DTNB: variants seen among roughly 807,000 people sequenced by gnomAD.
The protein encoded by DTNB is dystrobrevin beta.
A neutral mutation model predicts 90.7 loss-of-function variants in DTNB; 63 were observed. That is an observed-to-expected ratio of 0.69 (90% CI 0.57 to 0.86). The LOEUF is 0.86. Among genes scored for constraint, DTNB ranks in the 40% least tolerant of loss-of-function variants. The probability of loss-of-function intolerance (pLI) is 0.00; values close to 1 mark genes in which losing one functional copy is unlikely to be tolerated. For missense variants in DTNB, 744 were observed against 807.1 expected, an observed-to-expected ratio of 0.92 and a Z score of 0.95; for synonymous variants, 277 against 286.7, an observed-to-expected ratio of 0.97 and a Z score of 0.34.
At chr2:25,466,905 G>A (rs2061886850) in intron 10 of DTNB, among the ~76,000 whole-genome samples, 1 of 152,196 alleles carries the variant, frequency 6.6e-6, no homozygotes. Flanking sequence ...AGACCTTTAA[G>A]GAAGTCATCT....
At chr2:25,595,668 A>AT (rs1043530421) in intron 6 of DTNB, among the ~76,000 whole-genome samples, 1 of 152,044 alleles carries the variant, frequency 6.6e-6, no homozygotes, top group Non-Finnish European at 1.5e-5. Flanking sequence ...CCCTTGAGGG[A>AT]TTTTATGCTG....
chr2:25,669,094 A>AG (rs1485817823), intron 1 of DTNB, among the ~76,000 whole-genome samples: 2 of 152,220 alleles, frequency 1.3e-5, no homozygotes, highest in Admixed American at 1.3e-4. Context: ...GACAGAAAGT[A>AG]GAATGGTGGT....
At chr2:25,611,244 C>CTA (rs1416581320) in intron 4 of DTNB, among the ~76,000 whole-genome samples, 1 of 152,142 alleles carries the variant, frequency 6.6e-6, no homozygotes, top group Admixed American at 6.5e-5. Flanking sequence ...TTTTCAAACT[C>CTA]TATATTTTAA....
chr2:25,481,270 TG>T (rs994486356), intron 10 of DTNB, among the ~76,000 whole-genome samples: 3 of 151,342 alleles, frequency 2.0e-5, no homozygotes, highest in Non-Finnish European at 4.4e-5. Context: ...CTAGGTATGG[TG>T]GCAGGTGCCT....
intron 3 of DTNB, among the ~76,000 whole-genome samples, chr2:25,637,443 T>G (rs1010502596): frequency 3.3e-5 from 5 of 152,090 alleles, no homozygotes; most frequent in African/African-American, 1.2e-4. Context: ...GGGAGAAAAT[T>G]TTTGCCACCT....
chr2:25,409,529 G>A (rs2046089745), intron 16 of DTNB, among the ~76,000 whole-genome samples: 1 of 152,212 alleles, frequency 6.6e-6, no homozygotes, highest in Admixed American at 6.5e-5. Context: ...TTTGTTCAGT[G>A]GAGTGACATT....
chr2:25,413,856 C>T (rs1290579233), intron 16 of DTNB, among the ~76,000 whole-genome samples: 1 of 152,212 alleles, frequency 6.6e-6, no homozygotes, highest in Non-Finnish European at 1.5e-5. Context: ...AATTGCCACA[C>T]CGTCTTCCAC....
chr2:25,495,661 T>C (rs1483447284), intron 9 of DTNB, among the ~76,000 whole-genome samples: 1 of 152,202 alleles, frequency 6.6e-6, no homozygotes, highest in South Asian at 2.1e-4. Flanking sequence ...TCTATCTCTA[T>C]GTAATGGACC....
chr2:25,514,681 C>CTT (rs560287104), intron 9 of DTNB, among the ~76,000 whole-genome samples: 66 of 98,868 alleles, frequency 6.7e-4, no homozygotes, highest in Non-Finnish European at 7.3e-4. Context: ...TGAAAAAAAT[C>CTT]TTTTTTTTTT....
intron 19 of DTNB, 60 bp from the exon 20 acceptor site, chr2:25,379,383 A>G: frequency 7.7e-7 from 1 of 1,299,500 alleles, no homozygotes; most frequent in Non-Finnish European, 9.9e-7. Context: ...CTCATGCCCC[A>G]GACTATCTCA....
intron 3 of DTNB, among the ~76,000 whole-genome samples, chr2:25,633,224 GACTGT>G (rs901272515): frequency 2.0e-5 from 3 of 151,214 alleles, no homozygotes; most frequent in African/African-American, 4.8e-5. Flanking sequence ...GCCGAAGCTG[GACTGT>G]ACTGCTGCCA....
intron 10 of DTNB, among the ~76,000 whole-genome samples, chr2:25,471,937 C>T (rs567764489): frequency 6.6e-6 from 1 of 152,234 alleles, no homozygotes; most frequent in Admixed American, 6.5e-5. Flanking sequence ...TATATTTACA[C>T]ATAATATGTA....
At chr2:25,637,391 C>G (rs1559340958) in intron 3 of DTNB, among the ~76,000 whole-genome samples, 1 of 152,114 alleles carries the variant, frequency 6.6e-6, no homozygotes, top group Non-Finnish European at 1.5e-5. Context: ...TTCTGCACAG[C>G]AAAAGAAGCT....
intron 4 of DTNB, among the ~76,000 whole-genome samples, chr2:25,625,802 C>T (rs2074011614): frequency 6.6e-6 from 1 of 151,990 alleles, no homozygotes; most frequent in Admixed American, 6.6e-5. Flanking sequence ...CCTGTGTTCC[C>T]CAAAATTCAC....
At chr2:25,473,508 G>GAGAC (rs1219242316) in intron 10 of DTNB, among the ~76,000 whole-genome samples, 18 of 152,208 alleles carry the variant, frequency 1.2e-4, no homozygotes, top group African/African-American at 4.3e-4. Context: ...ATCAGAAAGA[G>GAGAC]AGACAGACAG....
At chr2:25,574,794 A>T (rs576642248) in intron 8 of DTNB, among the ~76,000 whole-genome samples, 43 of 152,310 alleles carry the variant, frequency 2.8e-4, no homozygotes, top group Middle Eastern at 3.4e-3. Flanking sequence ...GCTTATTTTT[A>T]AAAAAATTTA....
intron 10 of DTNB, among the ~76,000 whole-genome samples, chr2:25,468,172 G>A (rs1426456435): frequency 6.6e-6 from 1 of 152,062 alleles, no homozygotes; most frequent in Non-Finnish European, 1.5e-5. Context: ...AGTGGCTCTC[G>A]AACCCTACTA....
chr2:25,579,964 A>C (rs1234982195), intron 7 of DTNB, among the ~76,000 whole-genome samples: 1 of 145,280 alleles, frequency 6.9e-6, no homozygotes, highest in Admixed American at 7.0e-5. Context: ...TATGACTACT[A>C]TAGTATCCTT....
At chr2:25,385,803 A>G (rs1394972371) in intron 18 of DTNB, among the ~76,000 whole-genome samples, 2 of 152,184 alleles carry the variant, frequency 1.3e-5, no homozygotes, top group Non-Finnish European at 2.9e-5. Flanking sequence ...ATTTTTGTGA[A>G]GCTATTTGGT....
Sources: allele counts gnomAD v4.1 joint callset (sites outside exome capture counted in the v4.1 genomes callset), GRCh38; gene constraint gnomAD v4.1.1; transcripts MANE v1.5; gene names NCBI Gene and HGNC (gene_info 2026-07-23, HGNC 2026-07-21).